Variants in FBXO42 observed in about 807,000 individuals in gnomAD.
FBXO42 encodes the protein F-box only protein 42.
Under a neutral mutation model 71.7 loss-of-function variants are expected in FBXO42, and 12 were observed. That is an observed-to-expected ratio of 0.17 (90% CI 0.11 to 0.27). FBXO42 has a LOEUF of 0.27. Among genes scored for constraint, FBXO42 ranks in the 10% least tolerant of loss-of-function variants. FBXO42 has a pLI of 1.00. For missense variants in FBXO42, 707 were observed against 911.9 expected (o/e 0.78, Z 2.89); for synonymous variants, 325 against 327.5 (o/e 0.99, Z 0.08).
At chr1:16,277,365 T>TAC (rs2081914950) in intron 4 of FBXO42, among the ~76,000 whole-genome samples, 1 of 152,212 alleles carries the variant, frequency 6.6e-6, no homozygotes, top group Non-Finnish European at 1.5e-5. Context: ...AGCACATTAA[T>TAC]ACATCATTCT....
chr1:16,345,247 C>A (rs1209226703), intron 1 of FBXO42, among the ~76,000 whole-genome samples: 1 of 150,176 alleles, frequency 6.7e-6, no homozygotes, highest in Non-Finnish European at 1.5e-5. Flanking sequence ...CATGGTGATA[C>A]CCCATCTCTA....
rs1329349465 is a variant in FBXO42, at chr1:16,251,910, T to C, written c.1039-125A>G. 8.3e-7 allele frequency: 1 copy of C among 1,207,656 alleles called. No homozygotes were observed. The highest frequency in any genetic ancestry group is 1.1e-6 in the Non-Finnish European group (1 of 877,478). 74.8% of individuals were successfully genotyped at this position (1,207,656 alleles called of 1,614,324 possible). Reference sequence around the variant, plus strand: ...TTTGTAGGTACCTGAGATATGAAGATGAAAATGATGTAGTCTGCCCTCTAG... The same window carrying C: ...TTTGTAGGTACCTGAGATATGAAGACGAAAATGATGTAGTCTGCCCTCTAG... On this transcript the variant is annotated intron_variant, in intron 9 of 9. Coordinates refer to ENST00000375592, the MANE Select transcript of FBXO42 (RefSeq NM_018994.3). This position sits in a 1 kb window ranked among gnomAD's most constrained non-coding sequence, Gnocchi z 4.5.
intron 2 of FBXO42, among the ~76,000 whole-genome samples, chr1:16,314,897 G>T (rs1354215926): frequency 6.7e-6 from 1 of 148,816 alleles, no homozygotes; most frequent in Non-Finnish European, 1.5e-5. Context: ...AAAAAAAAAA[G>T]AAAAGAACAA....
At chr1:16,314,098 C>T (rs1394296198) in intron 2 of FBXO42, among the ~76,000 whole-genome samples, 1 of 152,032 alleles carries the variant, frequency 6.6e-6, no homozygotes, top group African/African-American at 2.4e-5. Context: ...GGATTAGGTG[C>T]CCACCACCAC....
intron 4 of FBXO42, among the ~76,000 whole-genome samples, chr1:16,263,301 C>T (rs2081734473): frequency 6.6e-6 from 1 of 151,426 alleles, no homozygotes; most frequent in Admixed American, 6.6e-5. Flanking sequence ...AAAAAATTAG[C>T]TTGGGTGTGG....
intron 4 of FBXO42, among the ~76,000 whole-genome samples, chr1:16,275,758 C>T (rs939019599): frequency 6.6e-6 from 1 of 152,164 alleles, no homozygotes; most frequent in African/African-American, 2.4e-5. Context: ...CCTGTAATCC[C>T]AGCGCTTTAG....
At chr1:16,343,784 T>C (rs757863245) in intron 1 of FBXO42, among the ~76,000 whole-genome samples, 3 of 147,088 alleles carry the variant, frequency 2.0e-5, no homozygotes, top group Non-Finnish European at 4.5e-5. Context: ...GATCGTGCCA[T>C]TGTACTTCAG....
intron 4 of FBXO42, among the ~76,000 whole-genome samples, chr1:16,277,477 C>T (rs1006257660): frequency 6.6e-6 from 1 of 151,814 alleles, no homozygotes; most frequent in Non-Finnish European, 1.5e-5. Context: ...GTAATCCCAG[C>T]ATTTTGGGGG....
At chr1:16,270,427 C>G (rs1310923612) in intron 4 of FBXO42, among the ~76,000 whole-genome samples, 1 of 152,098 alleles carries the variant, frequency 6.6e-6, no homozygotes, top group African/African-American at 2.4e-5. Flanking sequence ...CAACTGGACG[C>G]TGAAGTACTT....
At chr1:16,332,119 T>C (rs760329669) in intron 1 of FBXO42, among the ~76,000 whole-genome samples, 4 of 151,672 alleles carry the variant, frequency 2.6e-5, no homozygotes, top group South Asian at 2.1e-4. Flanking sequence ...CTTTAATAGT[T>C]AGTCACTTCT....
At chr1:16,347,992 CAAAA>C (rs541561756) in intron 1 of FBXO42, among the ~76,000 whole-genome samples, 3 of 67,740 alleles carry the variant, frequency 4.4e-5, no homozygotes, top group African/African-American at 5.5e-5. Context: ...GACTCCGTCT[CAAAA>C]AAAAAAAAAA....
At chr1:16,290,211 A>G (rs2082063665) in intron 4 of FBXO42, among the ~76,000 whole-genome samples, 2 of 152,346 alleles carry the variant, frequency 1.3e-5, no homozygotes, top group South Asian at 4.1e-4. Context: ...GAAAGGAACT[A>G]AAGACAAGAT....
At chr1:16,317,393 C>A (rs2082378003) in intron 1 of FBXO42, among the ~76,000 whole-genome samples, 1 of 151,094 alleles carries the variant, frequency 6.6e-6, no homozygotes, top group Non-Finnish European at 1.5e-5. Flanking sequence ...CCAGCCTGGG[C>A]AATAGAGTGA....
chr1:16,330,253 G>A (rs2082488067), intron 1 of FBXO42, among the ~76,000 whole-genome samples: 1 of 152,186 alleles, frequency 6.6e-6, no homozygotes, highest in Non-Finnish European at 1.5e-5. Flanking sequence ...GGGTGCAGGG[G>A]CTCATGCCTG....
chr1:16,295,638 C>T (rs2082122041), intron 3 of FBXO42, among the ~76,000 whole-genome samples: 2 of 152,130 alleles, frequency 1.3e-5, no homozygotes, highest in African/African-American at 4.8e-5. Context: ...GGTGATCCAC[C>T]CGCCTCGGCC....
intron 1 of FBXO42, among the ~76,000 whole-genome samples, chr1:16,331,685 C>T (rs970499004): frequency 2.0e-5 from 3 of 151,124 alleles, no homozygotes; most frequent in South Asian, 2.1e-4. Context: ...ACTAGGGAGG[C>T]GGAGGTTTCA....
intron 1 of FBXO42, among the ~76,000 whole-genome samples, chr1:16,334,260 C>T (rs966773126): frequency 3.9e-5 from 6 of 151,900 alleles, no homozygotes; most frequent in African/African-American, 9.7e-5. Flanking sequence ...GGTGAAACCC[C>T]GTCTCTACTA....
chr1:16,275,724 G>C (rs2081892956), intron 4 of FBXO42, among the ~76,000 whole-genome samples: 3 of 152,162 alleles, frequency 2.0e-5, no homozygotes, highest in Non-Finnish European at 4.4e-5. Context: ...AAAGGACAAA[G>C]GAGGCCAGGA....
intron 4 of FBXO42, among the ~76,000 whole-genome samples, chr1:16,290,772 C>T (rs1008049766): frequency 1.3e-5 from 2 of 151,920 alleles, no homozygotes; most frequent in Non-Finnish European, 2.9e-5. Context: ...AAACCAGGAG[C>T]TGGGAAGAGA....
Sources: gnomAD v4.1 joint callset for allele counts (sites outside exome capture counted in the v4.1 genomes callset) on GRCh38, gnomAD v4.1.1 for gene constraint, Gnocchi (gnomAD v3.1) non-coding constraint, MANE v1.5 for transcripts, NCBI Gene and HGNC (gene_info 2026-07-23, HGNC 2026-07-21) for gene names.